OSBPL6: variants seen among roughly 807,000 people sequenced by gnomAD.
The protein encoded by OSBPL6 is oxysterol binding protein like 6, also known as oxysterol-binding protein-related protein 6.
Under a neutral mutation model 125.8 loss-of-function variants are expected in OSBPL6, and 49 were observed. The observed-to-expected ratio is 0.39, with a 90% CI of 0.31 to 0.49. The LOEUF (loss-of-function observed/expected upper bound fraction) is 0.49, where lower values mean the gene tolerates loss of function less well. OSBPL6 is among the 20% of genes least tolerant of loss of function. The pLI, the probability that OSBPL6 is intolerant of heterozygous loss-of-function variation, is 0.88. For missense variants in OSBPL6, 986 were observed against 1,135.4 expected (o/e 0.87, Z 1.89); for synonymous variants, 394 against 391.8 (o/e 1.01, Z -0.07).
At chr2:178,371,129 A>G (rs149266983) in intron 13 of OSBPL6, among the ~76,000 whole-genome samples, 2 of 152,328 alleles carry the variant, frequency 1.3e-5, no homozygotes, top group African/African-American at 4.8e-5. Context: ...TTATATCTTT[A>G]CATCTTCTAA....
At chr2:178,305,055 A>G (rs959330609) in intron 2 of OSBPL6, among the ~76,000 whole-genome samples, 1 of 152,216 alleles carries the variant, frequency 6.6e-6, no homozygotes, top group Non-Finnish European at 1.5e-5. Flanking sequence ...GTTTCCTGCT[A>G]GCAGCTTTCC....
At chr2:178,323,784 GA>G (rs1418535108) in intron 3 of OSBPL6, 2 of 153,492 alleles carry the variant, frequency 1.3e-5, no homozygotes, top group African/African-American at 4.8e-5. Context: ...TTTTAAGGTA[GA>G]CCTTTCTTTT....
chr2:178,203,266 A>G (rs774300260), intron 1 of OSBPL6, among the ~76,000 whole-genome samples: 1 of 151,724 alleles, frequency 6.6e-6, no homozygotes, highest in Non-Finnish European at 1.5e-5. Context: ...CTAGACTTGA[A>G]CTCTTGGGCT....
intron 1 of OSBPL6, among the ~76,000 whole-genome samples, chr2:178,205,728 G>A (rs535377977): frequency 6.6e-6 from 1 of 152,288 alleles, no homozygotes; most frequent in East Asian, 1.9e-4. Flanking sequence ...GGACAAATGA[G>A]AAGTTACATG....
chr2:178,370,362 G>A (rs890929852), intron 13 of OSBPL6, among the ~76,000 whole-genome samples: 1 of 152,142 alleles, frequency 6.6e-6, no homozygotes, highest in Non-Finnish European at 1.5e-5. Flanking sequence ...AGCATATCTG[G>A]TTCCAAATGT....
intron 2 of OSBPL6, among the ~76,000 whole-genome samples, chr2:178,296,614 A>G (rs1249760479): frequency 1.3e-5 from 2 of 152,146 alleles, no homozygotes; most frequent in African/African-American, 4.8e-5. Flanking sequence ...AGATACTCCC[A>G]CCATAGTCTA....
rs796769189 is a variant in OSBPL6, at chr2:178,259,762, G to A, written c.-350-25165G>A. Reference sequence around the variant, plus strand: ...ACTGCCTCTGGCTTCTTTGACAGGCGGCAGTTTCTATTCCAAAGAAAGTTT... The same window carrying A: ...ACTGCCTCTGGCTTCTTTGACAGGCAGCAGTTTCTATTCCAAAGAAAGTTT... On this transcript the variant is annotated intron_variant, in intron 1 of 24. Transcript: ENST00000190611. 5.9e-5 allele frequency among the ~76,000 whole-genome samples: 9 copies of A among 152,260 alleles called. No individual in the cohort carries two copies. The East Asian group carries it at 7.7e-4, about 13-fold the overall frequency.
chr2:178,352,135 A>G (rs1691316428), intron 12 of OSBPL6, among the ~76,000 whole-genome samples: 1 of 152,252 alleles, frequency 6.6e-6, no homozygotes, highest in Admixed American at 6.5e-5. Context: ...ATGGCAGAAT[A>G]GGAACAGCTC....
At chr2:178,391,620 A>T (rs1412315138) in intron 22 of OSBPL6, among the ~76,000 whole-genome samples, 5 of 152,230 alleles carry the variant, frequency 3.3e-5, no homozygotes, top group African/African-American at 9.6e-5. Context: ...TGTAATCCAC[A>T]AATTCAATAA....
Position 178,395,869 on chromosome 2 carries a change from A to G in OSBPL6, c.*310A>G. 2.4e-6 allele frequency: 1 copy of G among 424,324 alleles called. No individual in the cohort carries two copies. Among genetic ancestry groups the G allele is most frequent in the South Asian group, 1.8e-5 (1 of 56,008 alleles). 26.3% of individuals were successfully genotyped at this position (424,324 alleles called of 1,614,324 possible). A position where few individuals can be genotyped will look rare whatever the true frequency, so the allele number is the denominator to read the frequency against. On this transcript the variant is annotated 3_prime_UTR_variant, in exon 25 of 25. Transcript: ENST00000190611. Reference sequence around the variant, plus strand: ...AAATCCAAAGTCTGACCAGTTTGTAAAGAAAAACAAATGGTAACTGGTGCT... The same window carrying G: ...AAATCCAAAGTCTGACCAGTTTGTAGAGAAAAACAAATGGTAACTGGTGCT...
chr2:178,351,111 C>T lies in OSBPL6; in HGVS notation c.1153+1722C>T, dbSNP rs955510210. On this transcript the variant is annotated intron_variant, in intron 12 of 24. Coordinates refer to ENST00000190611, the MANE Select transcript of OSBPL6 (RefSeq NM_032523.4). ...TTTCTCAATATATTATAATAAAGGT[C>T]CTTTATTAAAAACACACAGCTAACA... is the stretch of plus-strand genomic sequence containing the variant. 3.9e-5 allele frequency among the ~76,000 whole-genome samples: 6 copies of T among 152,002 alleles called. No homozygotes were observed. The South Asian group carries it at 6.2e-4, about 16-fold the overall frequency.
intron 20 of OSBPL6, among the ~76,000 whole-genome samples, chr2:178,388,379 G>A (rs1339305108): frequency 6.6e-6 from 1 of 152,142 alleles, no homozygotes; most frequent in Non-Finnish European, 1.5e-5. Flanking sequence ...CTGGAATCCT[G>A]CGGTGGCCCA....
At chr2:178,364,090 T>A (rs1692595863) in intron 13 of OSBPL6, among the ~76,000 whole-genome samples, 1 of 152,218 alleles carries the variant, frequency 6.6e-6, no homozygotes, top group African/African-American at 2.4e-5. Context: ...AGTTCTTTCC[T>A]TTCTAACAAA....
rs543668379 is a variant in OSBPL6, at chr2:178,373,424, A to G, written c.1396-466A>G. ...TGAAATAAGGTTCAATATTCCAGTC[A>G]TGTGTTTTATTGGTTAAAATTCATG... On this transcript the variant is annotated intron_variant, in intron 14 of 24. Coordinates refer to ENST00000190611, the MANE Select transcript of OSBPL6 (RefSeq NM_032523.4). Among the ~76,000 whole-genome samples, 9 of 152,310 alleles carry G rather than the reference A, an allele frequency of 5.9e-5. No homozygotes were observed. In the South Asian group the frequency reaches 1.9e-3, roughly 32 times the overall value.
intron 1 of OSBPL6, among the ~76,000 whole-genome samples, chr2:178,270,913 G>A (rs2092362261): frequency 6.6e-6 from 1 of 152,160 alleles, no homozygotes. Flanking sequence ...TTTTGCAGAT[G>A]AGGAAATAGA....
intron 12 of OSBPL6, among the ~76,000 whole-genome samples, chr2:178,354,000 A>G (rs1426288134): frequency 6.6e-6 from 1 of 152,192 alleles, no homozygotes; most frequent in Non-Finnish European, 1.5e-5. Flanking sequence ...GCTTCATAAG[A>G]AAGAGAAATA....
intron 1 of OSBPL6, among the ~76,000 whole-genome samples, chr2:178,242,371 C>A (rs923310466): frequency 6.6e-6 from 1 of 152,152 alleles, no homozygotes; most frequent in African/African-American, 2.4e-5. Flanking sequence ...TACTTTCCAG[C>A]AAAATGTAAT....
At chr2:178,390,484 A>G (rs1174272406) in intron 21 of OSBPL6, among the ~76,000 whole-genome samples, 2 of 152,222 alleles carry the variant, frequency 1.3e-5, no homozygotes, top group Non-Finnish European at 1.5e-5. Context: ...CCTTGGGTGC[A>G]TGAATCCAAG....
intron 1 of OSBPL6, among the ~76,000 whole-genome samples, chr2:178,199,557 G>A (rs936215255): frequency 8.6e-5 from 13 of 151,584 alleles, no homozygotes; most frequent in Admixed American, 5.3e-4. Flanking sequence ...AATGTCATGG[G>A]GAGCCTCTGC....
Sources: gnomAD v4.1 joint callset for allele counts (sites outside exome capture counted in the v4.1 genomes callset) on GRCh38, gnomAD v4.1.1 for gene constraint, MANE v1.5 for transcripts, NCBI Gene and HGNC (gene_info 2026-07-23, HGNC 2026-07-21) for gene names.